Variants in LRP1B observed in about 807,000 individuals in gnomAD.
LRP1B encodes LDL receptor related protein 1B, also known as low-density lipoprotein receptor-related protein 1B.
LRP1B carries 217 observed loss-of-function variants against 556.6 expected under a neutral mutation model. The observed-to-expected ratio is 0.39, with a 90% CI of 0.35 to 0.44. The LOEUF is 0.44. LRP1B is among the 20% of genes least tolerant of loss of function. The pLI is 1.00. For synonymous variants in LRP1B, 2,047 were observed against 1,865.8 expected (o/e 1.10, Z -2.50); for missense variants, 5,053 against 5,620.8 (o/e 0.90, Z 3.23).
intron 2 of LRP1B, among the ~76,000 whole-genome samples, chr2:141,599,848 A>G (rs1687664513): frequency 6.6e-6 from 1 of 152,086 alleles, no homozygotes; most frequent in African/African-American, 2.4e-5. Context: ...TTTAACCCAT[A>G]TGCCTACACA....
At chr2:141,820,912 A>C (rs1696730251) in intron 1 of LRP1B, among the ~76,000 whole-genome samples, 1 of 152,254 alleles carries the variant, frequency 6.6e-6, no homozygotes, top group African/African-American at 2.4e-5. Flanking sequence ...TACATAGTAA[A>C]ATGGACTTTG....
chr2:141,406,926 T>C (rs1334633808), intron 3 of LRP1B, among the ~76,000 whole-genome samples: 2 of 152,160 alleles, frequency 1.3e-5, no homozygotes, highest in Non-Finnish European at 2.9e-5. Context: ...AATCTTTGCA[T>C]TTGAAATATA....
At chr2:141,123,250 AT>A (rs924747308) in intron 7 of LRP1B, among the ~76,000 whole-genome samples, 5 of 79,160 alleles carry the variant, frequency 6.3e-5, no homozygotes, top group African/African-American at 8.5e-5. Context: ...ATAAAAAAAA[AT>A]AAATAAATAA....
chr2:141,451,559 A>G (rs1415678891), intron 3 of LRP1B, among the ~76,000 whole-genome samples: 1 of 152,146 alleles, frequency 6.6e-6, no homozygotes, highest in African/African-American at 2.4e-5. Flanking sequence ...TCCTTGCAGA[A>G]TTCACCTATA....
At chr2:140,324,360 C>T (rs904123255) in intron 80 of LRP1B, among the ~76,000 whole-genome samples, 6 of 151,978 alleles carry the variant, frequency 3.9e-5, no homozygotes, top group African/African-American at 7.2e-5. Flanking sequence ...CTAATCCTCT[C>T]TGCTATGCAG....
chr2:141,685,697 T>C lies in LRP1B; in HGVS notation c.205+124582A>G, dbSNP rs115386707. Reference sequence around the variant, plus strand: ...AGCAATGTGATGACAGAAGGAGAGATTGAAGTGATGTGGCACAAGCCAAGG... The same window carrying C: ...AGCAATGTGATGACAGAAGGAGAGACTGAAGTGATGTGGCACAAGCCAAGG... On this transcript the variant is annotated intron_variant, in intron 2 of 90. Transcript: ENST00000389484. Among the ~76,000 whole-genome samples, 394 of 152,004 alleles carry C rather than the reference T, an allele frequency of 2.6e-3. 2 individuals carry two copies. Among genetic ancestry groups the C allele is most frequent in the African/African-American group, 8.8e-3 (366 of 41,478 alleles).
intron 71 of LRP1B, among the ~76,000 whole-genome samples, chr2:140,370,316 T>C (rs899965180): frequency 2.0e-5 from 3 of 152,012 alleles, no homozygotes; most frequent in Non-Finnish European, 2.9e-5. Context: ...CCATATGTTG[T>C]TCCTATGCTT....
intron 55 of LRP1B, 68 bp downstream of exon 55, chr2:140,501,619 A>G (rs2104890036): frequency 8.3e-7 from 1 of 1,200,750 alleles, no homozygotes; most frequent in East Asian, 2.5e-5. Context: ...TCTATATTGG[A>G]TTAAATAGCT....
At chr2:141,362,763 C>A (rs1278440995) in intron 3 of LRP1B, among the ~76,000 whole-genome samples, 1 of 151,496 alleles carries the variant, frequency 6.6e-6, no homozygotes, top group African/African-American at 2.4e-5. Flanking sequence ...AATCCATCCA[C>A]CTCACCAGAA....
At chr2:141,758,502 T>G (rs1028949144) in intron 2 of LRP1B, among the ~76,000 whole-genome samples, 1 of 152,084 alleles carries the variant, frequency 6.6e-6, no homozygotes, top group African/African-American at 2.4e-5. Context: ...ATGCTCAAAG[T>G]ATTATGAATA....
chr2:141,651,000 A>G (rs902477550), intron 2 of LRP1B, among the ~76,000 whole-genome samples: 1 of 152,250 alleles, frequency 6.6e-6, no homozygotes, highest in African/African-American at 2.4e-5. Context: ...GCCATTGAGT[A>G]TACATTTAAA....
chr2:141,136,178 G>A (rs1701487612), intron 7 of LRP1B, among the ~76,000 whole-genome samples: 1 of 151,868 alleles, frequency 6.6e-6, no homozygotes, highest in South Asian at 2.1e-4. Context: ...CGTATGAATA[G>A]ACATTCTGTG....
In LRP1B at chr2:140,444,311, G is replaced by A. The variant is rs1310346145; in HGVS notation, c.10294+19C>T. 6.2e-7 allele frequency: 1 copy of A among 1,613,426 alleles called. No homozygotes were observed. Among genetic ancestry groups the A allele is most frequent in the Admixed American group, 1.7e-5 (1 of 59,978 alleles). ...GGAGTCAAAGTTAAGACAAGACAGA[G>A]TATTTTGAGGTGACTTACGACAGTC... On this transcript the variant is annotated intron_variant, in intron 65 of 90. Transcript: ENST00000389484.
intron 2 of LRP1B, among the ~76,000 whole-genome samples, chr2:141,706,557 A>G (rs2381155): frequency 0.35 from 53,553 of 151,900 alleles, 10,094 homozygotes; most frequent in East Asian, 0.59. Flanking sequence ...TGGCAGACTG[A>G]AGAAAATCAA....
intron 1 of LRP1B, among the ~76,000 whole-genome samples, chr2:141,952,689 T>C (rs2105037472): frequency 6.6e-6 from 1 of 152,238 alleles, no homozygotes; most frequent in Middle Eastern, 3.4e-3. Flanking sequence ...GAATCCCAAA[T>C]TGCACTCTTA....
intron 43 of LRP1B, among the ~76,000 whole-genome samples, chr2:140,575,582 A>G (rs1681488239): frequency 6.6e-6 from 1 of 152,180 alleles, no homozygotes; most frequent in African/African-American, 2.4e-5. Flanking sequence ...TTTAATAAGA[A>G]TGGAAGAAAA....
At chr2:141,211,936 A>G (rs115866318) in intron 6 of LRP1B, among the ~76,000 whole-genome samples, 10 of 152,148 alleles carry the variant, frequency 6.6e-5, no homozygotes, top group African/African-American at 2.4e-4. Flanking sequence ...TCAACTTCAC[A>G]GCCACATGCA....
At chr2:140,895,282 C>T (rs1382088990) in intron 23 of LRP1B, among the ~76,000 whole-genome samples, 1 of 152,092 alleles carries the variant, frequency 6.6e-6, no homozygotes. Context: ...ATGTTATTTG[C>T]AATGTTACTA....
intron 2 of LRP1B, among the ~76,000 whole-genome samples, chr2:141,610,681 T>A (rs183419006): frequency 6.6e-6 from 1 of 152,296 alleles, no homozygotes; most frequent in Admixed American, 6.5e-5. Flanking sequence ...GGCTGGGAAT[T>A]CCACAAAGTC....
Sources: gnomAD v4.1 joint callset for allele counts (sites outside exome capture counted in the v4.1 genomes callset) on GRCh38, gnomAD v4.1.1 for gene constraint, MANE v1.5 for transcripts, NCBI Gene and HGNC (gene_info 2026-07-23, HGNC 2026-07-21) for gene names.